NEGR1: variants seen among roughly 807,000 people sequenced by gnomAD.
The protein encoded by NEGR1 is IgLON family member 4.
Under a neutral mutation model 40.9 loss-of-function variants are expected in NEGR1, and 10 were observed. The ratio of observed to expected loss-of-function variants is 0.24; its 90% CI spans 0.15 to 0.42. The LOEUF (loss-of-function observed/expected upper bound fraction) is 0.42. Ranked by LOEUF, NEGR1 falls within the 10% of genes least tolerant of loss-of-function variation. NEGR1 has a pLI of 1.00. For missense variants in NEGR1, 352 were observed against 438.9 expected (o/e 0.80, Z 1.77); for synonymous variants, 185 against 166.8 (o/e 1.11, Z -0.84).
At chr1:72,060,115 T>C (rs902694455) in intron 1 of NEGR1, among the ~76,000 whole-genome samples, 2 of 151,672 alleles carry the variant, frequency 1.3e-5, no homozygotes, top group African/African-American at 4.8e-5. Context: ...AAAATTGCTT[T>C]TAGGAAATTA....
intron 1 of NEGR1, among the ~76,000 whole-genome samples, chr1:72,221,616 T>C (rs981784218): frequency 2.6e-5 from 4 of 152,030 alleles, no homozygotes; most frequent in African/African-American, 7.2e-5. Flanking sequence ...CATGATGAAA[T>C]ACAATTGGTA....
At chr1:71,537,851 T>G (rs1203286813) in intron 6 of NEGR1, among the ~76,000 whole-genome samples, 2 of 151,720 alleles carry the variant, frequency 1.3e-5, no homozygotes, top group Non-Finnish European at 3.0e-5. Context: ...CAGTGAAATA[T>G]TCTTCACGAG....
intron 6 of NEGR1, among the ~76,000 whole-genome samples, chr1:71,457,382 C>T (rs1353647500): frequency 1.3e-5 from 2 of 152,226 alleles, no homozygotes; most frequent in Non-Finnish European, 2.9e-5. Context: ...TTTCCCTCAG[C>T]TCTGTCCTAC....
At chr1:72,041,269 C>T (rs1256090930) in intron 1 of NEGR1, among the ~76,000 whole-genome samples, 2 of 151,948 alleles carry the variant, frequency 1.3e-5, no homozygotes, top group Non-Finnish European at 2.9e-5. Flanking sequence ...TTCAGGTCCT[C>T]TTCCAATAGA....
intron 1 of NEGR1, among the ~76,000 whole-genome samples, chr1:72,123,449 T>C (rs1649883239): frequency 6.6e-6 from 1 of 151,784 alleles, no homozygotes; most frequent in African/African-American, 2.4e-5. Context: ...AGGATCATAA[T>C]GATGAGAAAT....
At chr1:71,928,461 C>CACATAT (rs1460846331) in intron 2 of NEGR1, among the ~76,000 whole-genome samples, 2 of 132,820 alleles carry the variant, frequency 1.5e-5, no homozygotes, top group African/African-American at 5.7e-5. Flanking sequence ...TATATACACA[C>CACATAT]ATACTTATAT....
At chr1:71,835,560 C>T (rs1570411976) in intron 2 of NEGR1, among the ~76,000 whole-genome samples, 1 of 152,056 alleles carries the variant, frequency 6.6e-6, no homozygotes, top group South Asian at 2.1e-4. Flanking sequence ...AAAGAGGATG[C>T]TTAGTATTGA....
intron 1 of NEGR1, among the ~76,000 whole-genome samples, chr1:72,146,618 T>C (rs1414383040): frequency 1.3e-5 from 2 of 152,112 alleles, no homozygotes; most frequent in Admixed American, 6.6e-5. Flanking sequence ...TTATAAGATA[T>C]ACATGAAACA....
At chr1:71,959,436 C>A (rs1646145267) in intron 1 of NEGR1, among the ~76,000 whole-genome samples, 1 of 152,118 alleles carries the variant, frequency 6.6e-6, no homozygotes, top group Non-Finnish European at 1.5e-5. Context: ...AACTAAAATT[C>A]TAAAATAACT....
At chr1:72,271,043 G>T (rs1655825952) in intron 1 of NEGR1, among the ~76,000 whole-genome samples, 1 of 151,810 alleles carries the variant, frequency 6.6e-6, no homozygotes, top group Non-Finnish European at 1.5e-5. Flanking sequence ...GTGGAGACAA[G>T]GCTTTTGTTC....
chr1:72,213,505 C>G (rs1653685747), intron 1 of NEGR1, among the ~76,000 whole-genome samples: 1 of 151,928 alleles, frequency 6.6e-6, no homozygotes, highest in Non-Finnish European at 1.5e-5. Context: ...CTTCTACTTT[C>G]AATCATATCT....
chr1:72,029,367 A>G (rs1293420015), intron 1 of NEGR1, among the ~76,000 whole-genome samples: 2 of 152,098 alleles, frequency 1.3e-5, no homozygotes, highest in African/African-American at 4.8e-5. Context: ...AACAAAGACA[A>G]CCTCAGTATT....
intron 1 of NEGR1, among the ~76,000 whole-genome samples, chr1:72,053,880 TAA>T (rs59398777): frequency 6.8e-6 from 1 of 147,148 alleles, no homozygotes; most frequent in Admixed American, 6.8e-5. Flanking sequence ...ATTTTAAGAT[TAA>T]AAAAAAAAAC....
chr1:71,792,251 T>C (rs765286903), intron 2 of NEGR1, among the ~76,000 whole-genome samples: 5 of 152,182 alleles, frequency 3.3e-5, no homozygotes, highest in Non-Finnish European at 7.4e-5. Flanking sequence ...ACTCCATGGC[T>C]GGTTGTATGT....
At chr1:71,785,562 T>C (rs1231684071) in intron 2 of NEGR1, among the ~76,000 whole-genome samples, 2 of 152,290 alleles carry the variant, frequency 1.3e-5, no homozygotes, top group Non-Finnish European at 1.5e-5. Context: ...AGTACCTTCT[T>C]TCAGTGTAGT....
chr1:72,201,978 G>A (rs1455122873), intron 1 of NEGR1, among the ~76,000 whole-genome samples: 1 of 151,794 alleles, frequency 6.6e-6, no homozygotes. Context: ...TCCTTGCTTT[G>A]AATAAGTCTT....
At chr1:72,132,960 T>C (rs115130593) in intron 1 of NEGR1, among the ~76,000 whole-genome samples, 2,580 of 152,270 alleles carry the variant, frequency 0.017, 71 homozygotes, top group African/African-American at 0.059. Context: ...AGCAAAGAGA[T>C]AGGCTAGCTA....
At chr1:71,699,283 C>T (rs1653598063) in intron 3 of NEGR1, among the ~76,000 whole-genome samples, 1 of 151,828 alleles carries the variant, frequency 6.6e-6, no homozygotes, top group South Asian at 2.1e-4. Context: ...ATAATTTTCC[C>T]CCAGTGTTCC....
At chr1:71,520,325 G>T (rs1044027598) in intron 6 of NEGR1, among the ~76,000 whole-genome samples, 5 of 152,024 alleles carry the variant, frequency 3.3e-5, no homozygotes, top group Non-Finnish European at 5.9e-5. Context: ...GACATGCTGT[G>T]GAGACAGGCT....
Sources: allele counts gnomAD v4.1 joint callset (sites outside exome capture counted in the v4.1 genomes callset), GRCh38; gene constraint gnomAD v4.1.1; transcripts MANE v1.5; gene names NCBI Gene and HGNC (gene_info 2026-07-23, HGNC 2026-07-21).